The following ZNF628 variants were observed in gnomAD, a reference collection of about 807,000 sequenced individuals.
ZNF628 encodes zinc finger protein Zec.
ZNF628 carries 3 observed loss-of-function variants against 2.5 expected under a neutral mutation model. The observed-to-expected ratio is 1.19, with a 90% CI of 0.54 to 3.07. The LOEUF is 3.07. Ranked by LOEUF, ZNF628 falls within the 30% of genes most tolerant of loss-of-function variation. The pLI is 0.03. For synonymous variants in ZNF628, 861 were observed against 717.1 expected (o/e 1.20, Z -3.21); for missense variants, 1,610 against 1,517.1 (o/e 1.06, Z -1.02).
In ZNF628 at chr19:55,484,018, C is replaced by A. The variant is rs143260849; in HGVS notation, c.2825C>A (p.Ala942Asp). Residue 942 changes from alanine to aspartate, a missense_variant, in exon 3 of 3, where the codon GCC (alanine) becomes GAC (aspartate). Physicochemically the swap from Ala to Asp is moderately radical, Grantham distance 126 (BLOSUM62 -2). Transcript: ENST00000598519. ...GLQSVLVLSGADGEQTRLCVQ... is the reference protein window; with the variant it reads ...GLQSVLVLSGDDGEQTRLCVQ... ...CAGAGCGTGCTGGTGCTGAGCGGGG[C>A]CGATGGCGAACAGACTCGACTCTGC... The A allele has an allele frequency of 6.9e-6, 11 of 1,592,860 alleles. No individual in the cohort carries two copies. The African/African-American group carries it at 1.5e-4, about 21-fold the overall frequency.
At chr19:55,477,007 T>G (rs903949022) in intron 1 of ZNF628, among the ~76,000 whole-genome samples, 200 bp downstream of exon 1, 8 of 152,218 alleles carry the variant, frequency 5.3e-5, no homozygotes, top group Non-Finnish European at 1.2e-4. Context: ...GGTCAGGCTT[T>G]GCATTTTTAC....
Position 55,483,061 on chromosome 19 carries a change from C to T in ZNF628, c.1868C>T (p.Thr623Ile), listed in dbSNP as rs766395275. Residue 623 changes from threonine (T) to isoleucine (I), a missense_variant, in exon 3 of 3, where the codon ACC (threonine) becomes ATC (isoleucine). Transcript: ENST00000598519. ...QRTHSAERPF[T>I]CPICGRGFVM... ...ACGCACTCGGCGGAGCGCCCCTTCA[C>T]CTGCCCCATCTGCGGTCGCGGCTTC... The T allele has an allele frequency of 1.9e-6, 3 of 1,610,884 alleles. No individual in the cohort carries two copies. Among genetic ancestry groups the T allele is most frequent in the African/African-American group, 2.7e-5 (2 of 74,916 alleles).
Position 55,483,073 on chromosome 19 carries a change from G to T in ZNF628, c.1880G>T (p.Cys627Phe). ...SAERPFTCPI[C>F]GRGFVMAAYL... ...GAGCGCCCCTTCACCTGCCCCATCT[G>T]CGGTCGCGGCTTCGTTATGGCCGCC... The change falls in exon 3 of 3, where the codon TGC (cysteine) becomes TTC (phenylalanine). Residue 627 changes from cysteine (C) to phenylalanine (F), a missense_variant. Cys to Phe is a radical substitution (Grantham distance 205, BLOSUM62 -2). Transcript: ENST00000598519. 6.2e-7 allele frequency: 1 copy of T among 1,609,808 alleles called. No homozygotes were observed.
chr19:55,484,297 T>C lies in ZNF628; in HGVS notation c.3104T>C (p.Val1035Ala). ...QVVPAGAGPGVMTPQGLPSIQ... is the reference protein window; with the variant it reads ...QVVPAGAGPGAMTPQGLPSIQ... ...GTCCCCGCAGGAGCTGGGCCTGGTG[T>C]TATGACCCCTCAGGGCCTGCCCTCC... The change falls in exon 3 of 3, where the codon GTT (valine) becomes GCT (alanine). Residue 1035 changes from valine to alanine, a missense_variant. Val to Ala is a moderately conservative substitution (Grantham distance 64, BLOSUM62 0). This residue lies in a region of ZNF628 where 712 missense variants were observed against 603.6 expected (regional missense o/e 1.18). Transcript: ENST00000598519. The C allele has an allele frequency of 2.6e-6, 4 of 1,525,478 alleles. No homozygotes were observed. The highest frequency in any genetic ancestry group is 3.5e-6 in the Non-Finnish European group (4 of 1,134,852). 94.5% of individuals were successfully genotyped at this position (1,525,478 alleles called of 1,614,324 possible). A position where few individuals can be genotyped will look rare whatever the true frequency, so the allele number is the denominator to read the frequency against.
chr19:55,483,963 T>C lies in ZNF628; in HGVS notation c.2770T>C (p.Phe924Leu). 6 of 1,573,092 alleles carry C rather than the reference T, an allele frequency of 3.8e-6. No individual in the cohort carries two copies. Among genetic ancestry groups the C allele is most frequent in the Non-Finnish European group, 5.2e-6 (6 of 1,157,594 alleles). The change falls in exon 3 of 3, where the codon TTT becomes CTT. Residue 924 changes from phenylalanine (F) to leucine (L), a missense_variant. Transcript: ENST00000598519. ...CACTGGTGTGGTCCAGGATGTCCTC[T>C]TTGAGACACTCCAGACGGACGAGGG... ...ASTGVVQDVL[F>L]ETLQTDEGLQ...
At chr19:55,476,999 T>C (rs564945521) in intron 1 of ZNF628, among the ~76,000 whole-genome samples, 192 bp downstream of exon 1, 1 of 151,916 alleles carries the variant, frequency 6.6e-6, no homozygotes, top group Non-Finnish European at 1.5e-5. Context: ...AGAGGGCGGG[T>C]CAGGCTTTGC....
At position 55,481,846 on chromosome 19, in the gene ZNF628, A is replaced by G; in HGVS notation, c.653A>G (p.Asn218Ser). 2 of 1,588,568 alleles carry G rather than the reference A, an allele frequency of 1.3e-6. No individual in the cohort carries two copies. The highest frequency in any genetic ancestry group is 1.7e-6 in the Non-Finnish European group (2 of 1,169,748). ...LCPKTFTHSSNLLLHQRTHGA... is the reference protein window; with the variant it reads ...LCPKTFTHSSSLLLHQRTHGA... ...CCCAAGACCTTCACCCACTCCTCCA[A>G]CCTGCTGCTGCACCAGCGCACGCAC... Residue 218 changes from asparagine (N) to serine (S), a missense_variant, in exon 3 of 3, where the codon AAC (asparagine) becomes AGC (serine). Transcript: ENST00000598519.
chr19:55,482,476 GC>G lies in ZNF628; in HGVS notation c.1288del (p.Gln430ArgfsTer212). 7.0e-7 allele frequency: 1 copy of G among 1,434,698 alleles called. No individual in the cohort carries two copies. Among genetic ancestry groups the G allele is most frequent in the Non-Finnish European group, 9.1e-7 (1 of 1,100,146 alleles). 88.9% of individuals were successfully genotyped at this position (1,434,698 alleles called of 1,614,324 possible). On this transcript the variant is annotated frameshift_variant, in exon 3 of 3. Transcript: ENST00000598519. LOFTEE classifies it low-confidence loss of function (END_TRUNC). Reference protein sequence around the residue: ...PPQAEAAEVTCPQEPLAPAAP... With the variant: ...PPQAEAAEVTXPQEPLAPAAP... ...CAGGCTGAGGCTGCGGAGGTGACCT[GC>G]CCCCAGGAACCGCTGGCGCCTGCCG...
Position 55,484,338 on chromosome 19 carries a change from ACT to A in ZNF628, c.3148_3149del (p.Leu1050ThrfsTer41). On this transcript the variant is annotated frameshift_variant, in exon 3 of 3. Coordinates refer to ENST00000598519, the MANE Select transcript of ZNF628 (RefSeq NM_033113.3). LOFTEE classifies it high-confidence loss of function. ...CCTGCCCTCCATCCAGATTGTCCAG[ACT>A]CTACCCGCAGTCCAGCTGGTGCACA... Reference protein sequence around the residue: ...QGLPSIQIVQTLPAVQLVHTF With the variant: ...QGLPSIQIVQXLPAVQLVHTF 4.8e-6 allele frequency: 7 copies of A among 1,467,450 alleles called. No individual in the cohort carries two copies. Among genetic ancestry groups the A allele is most frequent in the Non-Finnish European group, 6.3e-6 (7 of 1,106,062 alleles). 90.9% of individuals were successfully genotyped at this position (1,467,450 alleles called of 1,614,324 possible). A position where few individuals can be genotyped will look rare whatever the true frequency, so the allele number is the denominator to read the frequency against.
At position 55,483,942 on chromosome 19, in the gene ZNF628, G is replaced by C. The variant is rs752890556; in HGVS notation, c.2749G>C (p.Gly917Arg). 3.8e-6 allele frequency: 6 copies of C among 1,573,398 alleles called. No individual in the cohort carries two copies. In the South Asian group the frequency reaches 5.9e-5, roughly 16 times the overall value. Residue 917 changes from glycine (G) to arginine (R), a missense_variant, in exon 3 of 3, where the codon GGT (glycine) becomes CGT (arginine). Physicochemically the swap from Gly to Arg is moderately radical, Grantham distance 125. Coordinates refer to ENST00000598519, the MANE Select transcript of ZNF628 (RefSeq NM_033113.3). ...GGCGGGGGATGGCGAGGCCAGCACT[G>C]GTGTGGTCCAGGATGTCCTCTTTGA... ...GEAGDGEAST[G>R]VVQDVLFETL...
In ZNF628 at chr19:55,483,477, C is replaced by T; in HGVS notation, c.2284C>T (p.Arg762Trp). ...AGGGRARQGPRAVGKAGQGAG... is the reference protein window; with the variant it reads ...AGGGRARQGPWAVGKAGQGAG... ...GGGCGGCCGTGCAAGGCAGGGCCCG[C>T]GGGCAGTGGGGAAAGCGGGCCAGGG... is the stretch of plus-strand genomic sequence containing the variant. The change falls in exon 3 of 3, where the codon CGG becomes TGG. Residue 762 changes from arginine (R) to tryptophan (W), a missense_variant. Physicochemically the swap from Arg to Trp is moderately radical, Grantham distance 101. Transcript: ENST00000598519. The T allele has an allele frequency of 3.3e-6, 5 of 1,524,858 alleles. No homozygotes were observed. The highest frequency in any genetic ancestry group is 1.3e-5 in the South Asian group (1 of 79,584). The allele number at this position is 1,524,858 out of a possible 1,614,324, so 94.5% of individuals were successfully genotyped here. A position where few individuals can be genotyped will look rare whatever the true frequency, so the allele number is the denominator to read the frequency against.
chr19:55,482,774 C>A lies in ZNF628; in HGVS notation c.1581C>A (p.Tyr527Ter). ...TCAAGTGGTCGTCCCACTACCAGTA[C>A]CACCTGCGGCTGCACTCTGGCGAGC... The part of the protein sequence containing the change: ...LTFKWSSHYQ[Y>*]HLRLHSGERP... The change falls in exon 3 of 3, where the codon TAC (tyrosine) becomes TAA (stop). Residue 527 changes from tyrosine to a stop codon, truncating the protein, a stop_gained. Transcript: ENST00000598519. LOFTEE classifies it low-confidence loss of function (END_TRUNC). 1 of 1,610,996 alleles carries A rather than the reference C, an allele frequency of 6.2e-7. No homozygotes were observed. Among genetic ancestry groups the A allele is most frequent in the Non-Finnish European group, 8.5e-7 (1 of 1,178,214 alleles).
In ZNF628 at chr19:55,484,342, T is replaced by C; in HGVS notation, c.3149T>C (p.Leu1050Pro). Reference protein sequence around the residue: ...GLPSIQIVQTLPAVQLVHTF With the variant: ...GLPSIQIVQTPPAVQLVHTF ...CCCTCCATCCAGATTGTCCAGACTC[T>C]ACCCGCAGTCCAGCTGGTGCACACG... Residue 1050 changes from leucine to proline, a missense_variant, in exon 3 of 3, where the codon CTA becomes CCA. Coordinates refer to ENST00000598519, the MANE Select transcript of ZNF628 (RefSeq NM_033113.3). The C allele has an allele frequency of 2.0e-6, 3 of 1,464,370 alleles. No homozygotes were observed. The highest frequency in any genetic ancestry group is 1.8e-6 in the Non-Finnish European group (2 of 1,104,472). 90.7% of individuals were successfully genotyped at this position (1,464,370 alleles called of 1,614,324 possible).
rs1568469557 is a variant in ZNF628, at chr19:55,484,096, G to T, written c.2903G>T (p.Gly968Val). Residue 968 changes from glycine to valine, a missense_variant, in exon 3 of 3, where the codon GGC becomes GTC. By Grantham distance (109) the Gly-to-Val change is moderately radical. Coordinates refer to ENST00000598519, the MANE Select transcript of ZNF628 (RefSeq NM_033113.3). ...PPGLTEPPAT[G>V]PPGQKLLIIR... ...GGGCTGACGGAGCCGCCTGCCACCG[G>T]CCCACCCGGACAGAAACTCCTCATC... 3 of 1,592,108 alleles carry T rather than the reference G, an allele frequency of 1.9e-6. No individual in the cohort carries two copies. Among genetic ancestry groups the T allele is most frequent in the Admixed American group, 1.7e-5 (1 of 57,832 alleles).
In ZNF628 at chr19:55,484,348, C is replaced by T. The variant is rs1986851040; in HGVS notation, c.3155C>T (p.Ala1052Val). The change falls in exon 3 of 3, where the codon GCA becomes GTA. Residue 1052 changes from alanine (A) to valine (V), a missense_variant. Around this residue, in one of 5 missense-constraint regions of ZNF628, gnomAD observed 712 missense variants for 603.6 expected, o/e 1.18. Coordinates refer to ENST00000598519, the MANE Select transcript of ZNF628 (RefSeq NM_033113.3). ...PSIQIVQTLP[A>V]VQLVHTF is the part of the protein sequence containing the mutation. ...ATCCAGATTGTCCAGACTCTACCCG[C>T]AGTCCAGCTGGTGCACACGTTTTGA... 6.8e-7 allele frequency: 1 copy of T among 1,460,216 alleles called. No individual in the cohort carries two copies. Among genetic ancestry groups the T allele is most frequent in the South Asian group, 1.4e-5 (1 of 70,732 alleles). The allele number at this position is 1,460,216 out of a possible 1,614,324, so 90.5% of individuals were successfully genotyped here. A position where few individuals can be genotyped will look rare whatever the true frequency, so the allele number is the denominator to read the frequency against.
At position 55,483,532 on chromosome 19, in the gene ZNF628, G is replaced by A; in HGVS notation, c.2339G>A (p.Gly780Glu). 2 of 1,571,600 alleles carry A rather than the reference G, an allele frequency of 1.3e-6. No individual in the cohort carries two copies. Among genetic ancestry groups the A allele is most frequent in the Middle Eastern group, 1.8e-4 (1 of 5,514 alleles). The change falls in exon 3 of 3, where the codon GGG (glycine) becomes GAG (glutamate). Residue 780 changes from glycine to glutamate, a missense_variant. Physicochemically the swap from Gly to Glu is moderately conservative, Grantham distance 98. Around this residue, in one of 5 missense-constraint regions of ZNF628, gnomAD observed 712 missense variants for 603.6 expected, o/e 1.18. Transcript: ENST00000598519. ...GGAGTGGTCTGGCTGCCAGGCCCTG[G>A]GGGTCTAGGGGTGCAGGGAGCGGCC... ...GAGVVWLPGP[G>E]GLGVQGAASA...
chr19:55,483,886 A>G lies in ZNF628; in HGVS notation c.2693A>G (p.Glu898Gly). The change falls in exon 3 of 3, where the codon GAG becomes GGG. Residue 898 changes from glutamate to glycine, a missense_variant. By Grantham distance (98) the Glu-to-Gly change is moderately conservative (BLOSUM62 -2). Transcript: ENST00000598519. ...CTGGTTGTTCAGAGCGGGGCAGCTG[A>G]GGAGTTGCTCACTGGCCCGGGCCCC... ...NLLVVQSGAA[E>G]ELLTGPGPGE... is the part of the protein sequence containing the mutation. 6.2e-7 allele frequency: 1 copy of G among 1,604,340 alleles called. No homozygotes were observed.
Position 55,481,409 on chromosome 19 carries a change from T to G in ZNF628, c.216T>G (p.Ala72=). The change falls in exon 3 of 3, where the codon GCT becomes GCG. Residue 72 remains alanine (A), a synonymous_variant. Coordinates refer to ENST00000598519, the MANE Select transcript of ZNF628 (RefSeq NM_033113.3). ...ACAAGTGCCCAGACTGCCCCAAGGC[T>G]TTCAAAGGCTCCTCGGCCCTGCTCT... is the stretch of plus-strand genomic sequence containing the variant. The part of the protein sequence containing the change: ...RPYKCPDCPK[A]FKGSSALLYH... The G allele has an allele frequency of 6.4e-7, 1 of 1,552,052 alleles. No individual in the cohort carries two copies. The highest frequency in any genetic ancestry group is 1.7e-5 in the African/African-American group (1 of 60,198).
Position 55,483,291 on chromosome 19 carries a change from C to T in ZNF628, c.2098C>T (p.Pro700Ser), listed in dbSNP as rs949751649. 21 of 1,518,680 alleles carry T rather than the reference C, an allele frequency of 1.4e-5. No individual in the cohort carries two copies. In the African/African-American group the frequency reaches 2.5e-4, roughly 18 times the overall value. The allele number at this position is 1,518,680 out of a possible 1,614,324, so 94.1% of individuals were successfully genotyped here. A position where few individuals can be genotyped will look rare whatever the true frequency, so the allele number is the denominator to read the frequency against. Reference sequence around the variant, plus strand: ...GGTGGCGGGGGGCACGGCCCAGGCCCCGAGCTTGGGGCCAGCAGCGCCCAA... The same window carrying T: ...GGTGGCGGGGGGCACGGCCCAGGCCTCGAGCTTGGGGCCAGCAGCGCCCAA... ...LEVAGGTAQA[P>S]SLGPAAPNSQ... The change falls in exon 3 of 3, where the codon CCG (proline) becomes TCG (serine). Residue 700 changes from proline to serine, a missense_variant. Pro to Ser is a moderately conservative substitution (Grantham distance 74, BLOSUM62 -1). Around this residue, in one of 5 missense-constraint regions of ZNF628, gnomAD observed 712 missense variants for 603.6 expected, o/e 1.18. Transcript: ENST00000598519.
Sources: allele counts gnomAD v4.1 joint callset (sites outside exome capture counted in the v4.1 genomes callset), GRCh38; gene constraint gnomAD v4.1.1; regional missense constraint gnomAD v4.1.1; transcripts MANE v1.5; gene names NCBI Gene and HGNC (gene_info 2026-07-23, HGNC 2026-07-21).